Variants in DNAH7 observed in about 807,000 individuals in gnomAD.
The protein encoded by DNAH7 is axonemal beta dynein heavy chain 7.
In DNAH7, 397 loss-of-function variants were observed where a neutral mutation model predicts 444.6. The observed-to-expected ratio is 0.89, with a 90% CI of 0.82 to 0.97. DNAH7 has a LOEUF of 0.97. DNAH7 is among the 50% of genes least tolerant of loss of function. The pLI is 0.00. For synonymous variants in DNAH7, 1,636 were observed against 1,624.4 expected, an observed-to-expected ratio of 1.01 and a Z score of -0.17; for missense variants, 4,902 against 4,800.8, an observed-to-expected ratio of 1.02 and a Z score of -0.62.
chr2:195,914,573 C>T (rs1375559779), intron 24 of DNAH7, among the ~76,000 whole-genome samples: 1 of 152,228 alleles, frequency 6.6e-6, no homozygotes, highest in Non-Finnish European at 1.5e-5. Context: ...TCATTTGATG[C>T]TTCATAAATA....
At chr2:195,885,478 C>A (rs1392216773) in intron 34 of DNAH7, among the ~76,000 whole-genome samples, 1 of 152,174 alleles carries the variant, frequency 6.6e-6, no homozygotes, top group African/African-American at 2.4e-5. Context: ...TCACCTACTC[C>A]TAGTTTACTC....
At chr2:195,811,182 T>C (rs1696952023) in intron 51 of DNAH7, among the ~76,000 whole-genome samples, 2 of 152,024 alleles carry the variant, frequency 1.3e-5, no homozygotes, top group African/African-American at 2.4e-5. Context: ...TCTGATGGAA[T>C]TGTGTGTTTG....
intron 17 of DNAH7, among the ~76,000 whole-genome samples, chr2:195,964,526 GTTTTTTTTT>G (rs34416268): frequency 8.4e-6 from 1 of 119,094 alleles, no homozygotes; most frequent in Admixed American, 8.8e-5. Flanking sequence ...AGTTCTAATA[GTTTTTTTTT>G]TTTTTTTTTT....
chr2:195,849,162 T>A (rs967138619), intron 46 of DNAH7, among the ~76,000 whole-genome samples: 1 of 152,248 alleles, frequency 6.6e-6, no homozygotes, highest in Non-Finnish European at 1.5e-5. Context: ...ATTGCGATGC[T>A]GAAATTGTCC....
intron 31 of DNAH7, among the ~76,000 whole-genome samples, chr2:195,889,451 AC>A (rs1228581901): frequency 6.6e-6 from 1 of 151,744 alleles, no homozygotes; most frequent in Non-Finnish European, 1.5e-5. Flanking sequence ...ACTAGCTAGG[AC>A]CACGAGTGCG....
intron 42 of DNAH7, among the ~76,000 whole-genome samples, chr2:195,859,224 T>C (rs973915639): frequency 1.3e-5 from 2 of 152,210 alleles, no homozygotes; most frequent in East Asian, 3.8e-4. Flanking sequence ...AAATATATTA[T>C]TTTGAATGTT....
rs1691306540 is a variant in DNAH7, at chr2:195,964,194, A to C, written c.2206-3249T>G. ...TATTTCTGTGAGGAATCTCATTGGC[A>C]TTTTGATAGGGATTACACTGAATAT... On this transcript the variant is annotated intron_variant, in intron 17 of 64. Transcript: ENST00000312428. Among the ~76,000 whole-genome samples, 3 of 152,198 alleles carry C rather than the reference A, an allele frequency of 2.0e-5. No homozygotes were observed. In the South Asian group the frequency reaches 6.2e-4, roughly 31 times the overall value.
rs201737013 is a variant in DNAH7 at position 195,886,164 on chromosome 2, G to A, written c.5515C>T (p.Arg1839Ter). 2.8e-4 allele frequency: 450 copies of A among 1,613,090 alleles called. 2 individuals are homozygous for A. The highest frequency in any genetic ancestry group is 3.5e-4 in the Non-Finnish European group (415 of 1,179,662). ...DEVKLKERND[R>*]ETYSLLEGIF... is the part of the protein sequence containing the mutation. Reference sequence around the variant, plus strand: ...ACCTCAAGCAAAGAGTAAGTTTCTCGATCATTTCTCTCCTTTAGTTTGACT... The same window carrying A: ...ACCTCAAGCAAAGAGTAAGTTTCTCAATCATTTCTCTCCTTTAGTTTGACT... The change falls in exon 34 of 65, where the codon CGA becomes TGA. Residue 1839 changes from arginine (R) to a stop codon, truncating the protein, a stop_gained. Coordinates refer to ENST00000312428, the MANE Select transcript of DNAH7 (RefSeq NM_018897.3). LOFTEE classifies it high-confidence loss of function.
chr2:196,031,528 A>T (rs1274390070), intron 5 of DNAH7, among the ~76,000 whole-genome samples: 1 of 152,032 alleles, frequency 6.6e-6, no homozygotes, highest in African/African-American at 2.4e-5. Flanking sequence ...CAGGCTGCAA[A>T]TTTTTATGCA....
intron 8 of DNAH7, among the ~76,000 whole-genome samples, chr2:196,020,840 G>A (rs769345969): frequency 3.9e-4 from 59 of 152,084 alleles, no homozygotes; most frequent in Non-Finnish European, 7.4e-4. Context: ...TCAAACACCT[G>A]ACCTCAAGTG....
In DNAH7 at chr2:195,778,633, TAA is replaced by T. The variant is rs1187749777; in HGVS notation, c.10879-650_10879-649del. Among the ~76,000 whole-genome samples, 5 of 30,290 alleles carry T rather than the reference TAA, an allele frequency of 1.7e-4. 2 individuals are homozygous for T. The highest frequency in any genetic ancestry group is 6.6e-4 in the African/African-American group (5 of 7,570). 19.9% of individuals were successfully genotyped at this position (30,290 alleles called of 152,430 possible). On this transcript the variant is annotated intron_variant, in intron 58 of 64. Transcript: ENST00000312428. ...GACCCTGTCTGAAAAAAAAAAAAAA[TAA>T]ATAAATAAATATATATATATATATA...
chr2:196,010,576 A>G (rs116772943), intron 10 of DNAH7, among the ~76,000 whole-genome samples: 2,730 of 152,306 alleles, frequency 0.018, 76 homozygotes, highest in African/African-American at 0.061. Flanking sequence ...TGCTGGGCAT[A>G]TACCCCAAAT....
At chr2:195,909,894 T>G in intron 25 of DNAH7, 133 bp downstream of exon 25, 69 of 889,284 alleles carry the variant, frequency 7.8e-5, no homozygotes, top group Non-Finnish European at 9.4e-5. Context: ...TAAGAATTAT[T>G]GAGATAGTGC....
intron 61 of DNAH7, among the ~76,000 whole-genome samples, chr2:195,758,420 CATTTACATTTTAAAATGT>C (rs1180174243): frequency 2.0e-5 from 3 of 152,108 alleles, no homozygotes; most frequent in Non-Finnish European, 2.9e-5. Context: ...TTGTCTATTT[CATTTACATTTTAAAATGT>C]ATTTACATTT....
At chr2:196,013,416 A>G (rs1345973844) in intron 9 of DNAH7, among the ~76,000 whole-genome samples, 3 of 152,192 alleles carry the variant, frequency 2.0e-5, no homozygotes, top group African/African-American at 4.8e-5. Context: ...ACAACTTTCA[A>G]TACAATCCTT....
At chr2:195,797,231 C>A (rs1409213305) in intron 55 of DNAH7, among the ~76,000 whole-genome samples, 1 of 152,160 alleles carries the variant, frequency 6.6e-6, no homozygotes. Context: ...TTAGAGAATT[C>A]TGTGGGAATG....
chr2:195,811,519 T>A (rs566512284), intron 51 of DNAH7, among the ~76,000 whole-genome samples: 65 of 151,990 alleles, frequency 4.3e-4, no homozygotes, highest in Non-Finnish European at 8.8e-4. Context: ...CCAGGCTAAT[T>A]TTTGCATTTT....
chr2:195,873,543 A>G (rs766084882), intron 39 of DNAH7, 25 bp downstream of exon 39: 2 of 1,281,746 alleles, frequency 1.6e-6, no homozygotes, highest in Non-Finnish European at 1.0e-6. Flanking sequence ...CCTAATTAAA[A>G]AAAAAACAAA....
chr2:196,029,570 T>G (rs201689387), intron 5 of DNAH7, among the ~76,000 whole-genome samples: 1 of 151,956 alleles, frequency 6.6e-6, no homozygotes, highest in African/African-American at 2.4e-5. Context: ...AGGCCCTCAA[T>G]AGTTTCACAT....
Sources: gnomAD v4.1 joint callset for allele counts (sites outside exome capture counted in the v4.1 genomes callset) on GRCh38, gnomAD v4.1.1 for gene constraint, MANE v1.5 for transcripts, NCBI Gene and HGNC (gene_info 2026-07-23, HGNC 2026-07-21) for gene names.